The following ZNF536 variants were observed in gnomAD, a reference collection of about 807,000 sequenced individuals.
ZNF536 encodes zinc finger protein 536.
Under a neutral mutation model 84.5 loss-of-function variants are expected in ZNF536, and 13 were observed. The ratio of observed to expected loss-of-function variants is 0.15; its 90% CI spans 0.10 to 0.24. The LOEUF is 0.24. ZNF536 is among the 10% of genes least tolerant of loss of function. ZNF536 has a pLI of 1.00. For missense variants in ZNF536, 1,536 were observed against 1,747.5 expected (o/e 0.88, Z 2.16); for synonymous variants, 811 against 742.5 (o/e 1.09, Z -1.50).
intron 2 of ZNF536, among the ~76,000 whole-genome samples, chr19:30,486,540 T>C (rs973967534): frequency 6.6e-6 from 1 of 152,258 alleles, no homozygotes; most frequent in African/African-American, 2.4e-5. Flanking sequence ...TTTGCTATTG[T>C]GAATAGTGCT....
chr19:30,562,358 T>G (rs574714627), downstream of ZNF536, among the ~76,000 whole-genome samples: 1 of 152,190 alleles, frequency 6.6e-6, no homozygotes, highest in Admixed American at 6.5e-5. Flanking sequence ...GCCATTCCAG[T>G]GCACGGGCAT....
At position 30,563,780 on chromosome 19, in the gene ZNF536, AGGGAGAGGTGCT is replaced by A. The variant is rs918331627; in HGVS notation, c.169+14270_169+14281del. On this transcript the variant is annotated intron_variant, in intron 1 of 1. Coordinates refer to the ZNF536 transcript ENST00000592773. ...GACCTCACATCCCAGAAGACACAGG[AGGGAGAGGTGCT>A]GGGCGTGACGGATGCTCTAGTGGTG... Among the ~76,000 whole-genome samples, 20 of 152,242 alleles carry A rather than the reference AGGGAGAGGTGCT, an allele frequency of 1.3e-4. No homozygotes were observed. In the East Asian group the frequency reaches 3.9e-3, roughly 29 times the overall value.
chr19:30,628,544 T>C (rs1410098612), intron 1 of ZNF536, among the ~76,000 whole-genome samples: 1 of 150,496 alleles, frequency 6.6e-6, no homozygotes, highest in African/African-American at 2.4e-5. Context: ...TTCTCCTGCC[T>C]CAGCATCACG....
chr19:30,622,138 G>A (rs548975053), intron 1 of ZNF536, among the ~76,000 whole-genome samples: 1 of 152,330 alleles, frequency 6.6e-6, no homozygotes, highest in African/African-American at 2.4e-5. Context: ...CTGACCCTTA[G>A]GCAGATGGGA....
intron 1 of ZNF536, among the ~76,000 whole-genome samples, chr19:30,685,533 G>C (rs2051143075): frequency 6.6e-6 from 1 of 152,148 alleles, no homozygotes; most frequent in Non-Finnish European, 1.5e-5. Flanking sequence ...AGACGGAAGG[G>C]ATGGATTGGG....
chr19:30,413,992 C>T (rs955600196), intron 1 of ZNF536, among the ~76,000 whole-genome samples: 2 of 148,090 alleles, frequency 1.4e-5, no homozygotes, highest in South Asian at 2.1e-4. Context: ...ACTCAGGAGG[C>T]TGAGGCAGGA....
At chr19:30,335,519 G>C (rs190476996) in intron 2 of ZNF536, among the ~76,000 whole-genome samples, 45 of 152,222 alleles carry the variant, frequency 3.0e-4, no homozygotes, top group Middle Eastern at 3.4e-3. Flanking sequence ...CACCAGACAC[G>C]TGTTCAGCAG....
At chr19:30,612,935 C>T (rs1410880508) in intron 1 of ZNF536, among the ~76,000 whole-genome samples, 1 of 152,254 alleles carries the variant, frequency 6.6e-6, no homozygotes, top group Non-Finnish European at 1.5e-5. Flanking sequence ...TCCTTAGCCT[C>T]CTCCAACGTG....
At chr19:30,653,982 C>T (rs1189269502) in intron 1 of ZNF536, among the ~76,000 whole-genome samples, 1 of 152,222 alleles carries the variant, frequency 6.6e-6, no homozygotes, top group East Asian at 1.9e-4. Context: ...TTAGCTCTGC[C>T]TTCTGGCAAG....
At chr19:30,710,019 G>T (rs2052400576) in intron 1 of ZNF536, among the ~76,000 whole-genome samples, 5 of 152,114 alleles carry the variant, frequency 3.3e-5, no homozygotes, top group African/African-American at 1.2e-4. Context: ...CATCCCACAT[G>T]AAATTTATAT....
rs573956965 is a variant in ZNF536 at position 30,432,257 on chromosome 19, C to T, written c.-2-11304C>T. ...AAACTGCAGTCCGTGGATGTGACAC[C>T]GTGGGCAACGTCCCCTCTCCGGCAT... On this transcript the variant is annotated intron_variant, in intron 1 of 4. Coordinates refer to ENST00000355537, the MANE Select transcript of ZNF536 (RefSeq NM_014717.3). Among the ~76,000 whole-genome samples, 13 of 152,170 alleles carry T rather than the reference C, an allele frequency of 8.5e-5. No individual in the cohort carries two copies. The South Asian group carries it at 1.9e-3, about 22-fold the overall frequency.
intron 1 of ZNF536, among the ~76,000 whole-genome samples, chr19:30,587,236 T>TCTC (rs1434564943): frequency 6.6e-6 from 1 of 152,240 alleles, no homozygotes; most frequent in African/African-American, 2.4e-5. Flanking sequence ...ATTTCACTGA[T>TCTC]AGCAGGATCT....
At chr19:30,521,801 C>T (rs10415441) in intron 2 of ZNF536, among the ~76,000 whole-genome samples, 3,230 of 152,124 alleles carry the variant, frequency 0.021, 112 homozygotes, top group African/African-American at 0.073. Context: ...AGGTGCTAAC[C>T]GCGGTGATAA....
intron 2 of ZNF536, among the ~76,000 whole-genome samples, chr19:30,485,457 G>C (rs1406439624): frequency 6.6e-6 from 1 of 152,110 alleles, no homozygotes; most frequent in African/African-American, 2.4e-5. Flanking sequence ...GCAACTCCCA[G>C]CCCAAGACAA....
Position 30,432,006 on chromosome 19 carries a change from T to TATATATATACAC in ZNF536, c.-2-11554_-2-11553insTATATATACACA, listed in dbSNP as rs149223384. Among the ~76,000 whole-genome samples, 297 of 146,064 alleles carry TATATATATACAC rather than the reference T, an allele frequency of 2.0e-3. 3 individuals are homozygous for TATATATATACAC. Among genetic ancestry groups the TATATATATACAC allele is most frequent in the Middle Eastern group, 0.01 (3 of 286 alleles). On this transcript the variant is annotated intron_variant, in intron 1 of 4. Transcript: ENST00000355537. Reference sequence around the variant, plus strand: ...TTCATTAAAAGCATATATATATATATACACACACACATACACACACACACA... The same window carrying TATATATATACAC: ...TTCATTAAAAGCATATATATATATATATATATATACACACACACACACATACACACACACACA...
At chr19:30,663,367 C>T (rs528798312) in intron 1 of ZNF536, among the ~76,000 whole-genome samples, 3 of 152,030 alleles carry the variant, frequency 2.0e-5, no homozygotes, top group African/African-American at 7.3e-5. Context: ...CTTTGAAACC[C>T]GAAACTCTGC....
At chr19:30,599,831 C>T (rs928668136) in intron 1 of ZNF536, among the ~76,000 whole-genome samples, 6 of 152,156 alleles carry the variant, frequency 3.9e-5, no homozygotes, top group Admixed American at 3.9e-4. Flanking sequence ...ATTCATGGAC[C>T]GTCTTGTGGC....
intron 1 of ZNF536, among the ~76,000 whole-genome samples, chr19:30,404,883 C>T (rs1037310152): frequency 2.6e-5 from 4 of 152,214 alleles, no homozygotes; most frequent in African/African-American, 4.8e-5. Context: ...CCAGGCCTCA[C>T]GAACTTCTGA....
At chr19:30,595,176 T>C (rs1468356814) in intron 1 of ZNF536, among the ~76,000 whole-genome samples, 2 of 152,222 alleles carry the variant, frequency 1.3e-5, no homozygotes, top group Non-Finnish European at 2.9e-5. Flanking sequence ...CTGCTTTCAC[T>C]GTGATTGGAG....
Sources: allele counts gnomAD v4.1 joint callset (sites outside exome capture counted in the v4.1 genomes callset), GRCh38; gene constraint gnomAD v4.1.1; transcripts MANE v1.5; gene names NCBI Gene and HGNC (gene_info 2026-07-23, HGNC 2026-07-21).